Variants in RYK observed in about 807,000 individuals in gnomAD.
RYK encodes the protein inactive tyrosine-protein kinase RYK.
In RYK, 21 loss-of-function variants were observed where a neutral mutation model predicts 70.2. The observed-to-expected ratio is 0.30, with a 90% confidence interval of 0.21 to 0.43. The LOEUF (loss-of-function observed/expected upper bound fraction) is 0.43. Ranked by LOEUF, RYK falls within the 20% of genes least tolerant of loss-of-function variation. The pLI is 1.00. For missense variants in RYK, 604 were observed against 753.3 expected (o/e 0.80, Z 2.32); for synonymous variants, 267 against 278.0 (o/e 0.96, Z 0.39).
intron 2 of RYK, among the ~76,000 whole-genome samples, chr3:134,221,196 CTTTTTTTTT>C (rs71139519): frequency 9.9e-4 from 78 of 78,580 alleles, no homozygotes; most frequent in African/African-American, 4.0e-3. Context: ...AGTTCTTTTT[CTTTTTTTTT>C]TTTTTTTTTT....
Position 134,190,709 on chromosome 3 carries a change from A to G in RYK, c.1015+1140T>C, listed in dbSNP as rs2013618680. Among the ~76,000 whole-genome samples the G allele has an allele frequency of 2.0e-5, 3 of 152,348 alleles. No individual in the cohort carries two copies. The South Asian group carries it at 6.2e-4, about 32-fold the overall frequency. ...AAACTATTATGGGCCTGAAAAGACC[A>G]ATAAAGAAAAACTCTACCTGGTTCA... On this transcript the variant is annotated intron_variant, in intron 8 of 14. Transcript: ENST00000623711.
chr3:134,198,721 T>G (rs1315177408), intron 6 of RYK, among the ~76,000 whole-genome samples: 1 of 152,222 alleles, frequency 6.6e-6, no homozygotes, highest in Non-Finnish European at 1.5e-5. Context: ...TGGCACAAAC[T>G]ATTGTGAAAA....
chr3:134,222,562 T>C, intron 1 of RYK, 23 bp from the exon 2 acceptor site: 1 of 1,513,094 alleles, frequency 6.6e-7, no homozygotes. Context: ...AGGAAAAAAA[T>C]AATTAAACAC....
Position 134,250,515 on chromosome 3 carries a change from GC to G in RYK, c.139del (p.Ala47ProfsTer18). On this transcript the variant is annotated frameshift_variant, in exon 1 of 15. Coordinates refer to ENST00000623711, the MANE Select transcript of RYK (RefSeq NM_002958.4). LOFTEE classifies it high-confidence loss of function. ...CAGCTCCGGGGGCCGCGGGGCGGGG[GC>G]GGCGGCAGCGCCAGGCGCGGGCAGC... is the stretch of plus-strand genomic sequence containing the variant. ...PLLPAPGAAA[A>X]PAPRPPELQS... 1.6e-6 allele frequency: 2 copies of G among 1,232,998 alleles called. No individual in the cohort carries two copies. The highest frequency in any genetic ancestry group is 3.2e-5 in the South Asian group (1 of 31,210). 76.4% of individuals were successfully genotyped at this position (1,232,998 alleles called of 1,614,324 possible). A position where few individuals can be genotyped will look rare whatever the true frequency, so the allele number is the denominator to read the frequency against.
intron 6 of RYK, among the ~76,000 whole-genome samples, chr3:134,196,662 A>C (rs1254479216): frequency 6.6e-6 from 1 of 151,878 alleles, no homozygotes; most frequent in Non-Finnish European, 1.5e-5. Flanking sequence ...TTATATATGA[A>C]TGTTTATCAA....
chr3:134,247,697 C>T (rs953326850), intron 1 of RYK, among the ~76,000 whole-genome samples: 10 of 143,848 alleles, frequency 7.0e-5, no homozygotes, highest in African/African-American at 2.3e-4. Context: ...AGCGAAACTC[C>T]GTCTCAAAAA....
chr3:134,206,635 T>C (rs2014219922), intron 5 of RYK, among the ~76,000 whole-genome samples: 3 of 152,104 alleles, frequency 2.0e-5, no homozygotes, highest in Admixed American at 6.6e-5. Flanking sequence ...TATTAGGTGA[T>C]TGTGGGGGTT....
intron 2 of RYK, among the ~76,000 whole-genome samples, chr3:134,217,571 C>A (rs2014598624): frequency 6.6e-6 from 1 of 152,150 alleles, no homozygotes; most frequent in South Asian, 2.1e-4. Context: ...TATCAAGTGA[C>A]AGAGATCCTT....
chr3:134,202,596 T>C, intron 6 of RYK, 134 bp downstream of exon 6: 1 of 641,594 alleles, frequency 1.6e-6, no homozygotes, highest in Non-Finnish European at 2.6e-6. Flanking sequence ...TTAGGTCATC[T>C]TATTTTTCCT....
intron 2 of RYK, among the ~76,000 whole-genome samples, chr3:134,220,293 A>C (rs1206136053): frequency 6.6e-6 from 1 of 152,216 alleles, no homozygotes. Flanking sequence ...TGTTGTGATA[A>C]TTGATAAAAT....
intron 1 of RYK, among the ~76,000 whole-genome samples, chr3:134,231,739 G>T (rs771476295): frequency 2.6e-5 from 4 of 152,082 alleles, no homozygotes; most frequent in Non-Finnish European, 5.9e-5. Context: ...CACTGCCCTG[G>T]ATCGCCATGG....
At chr3:134,205,226 G>A (rs573961971) in intron 5 of RYK, among the ~76,000 whole-genome samples, 63 of 152,126 alleles carry the variant, frequency 4.1e-4, no homozygotes, top group Admixed American at 7.2e-4. Context: ...ATGCACAGAC[G>A]TTAAACTGAC....
At chr3:134,168,066 A>G in intron 13 of RYK, among the ~76,000 whole-genome samples, 1 of 152,194 alleles carries the variant, frequency 6.6e-6, no homozygotes, top group Non-Finnish European at 1.5e-5. Flanking sequence ...CAAAACCACA[A>G]TGAGATACCA....
chr3:134,210,635 T>C (rs926124733), intron 3 of RYK, among the ~76,000 whole-genome samples: 3 of 152,196 alleles, frequency 2.0e-5, no homozygotes, highest in Non-Finnish European at 2.9e-5. Flanking sequence ...TTTAAAAATA[T>C]CCATTTCTTA....
At chr3:134,216,488 A>C (rs1348734275) in intron 2 of RYK, among the ~76,000 whole-genome samples, 1 of 152,030 alleles carries the variant, frequency 6.6e-6, no homozygotes, top group African/African-American at 2.4e-5. Context: ...TTCGCTTTTC[A>C]GATATCTAAA....
chr3:134,243,559 T>G (rs2015377051), intron 1 of RYK, among the ~76,000 whole-genome samples: 2 of 152,212 alleles, frequency 1.3e-5, no homozygotes, highest in South Asian at 4.1e-4. Flanking sequence ...AGCTTTATCC[T>G]GTGGCGCTCC....
At chr3:134,232,454 T>C (rs2015090338) in intron 1 of RYK, among the ~76,000 whole-genome samples, 1 of 152,180 alleles carries the variant, frequency 6.6e-6, no homozygotes, top group Non-Finnish European at 1.5e-5. Context: ...AACAAATAAA[T>C]ATTTATAAGC....
chr3:134,166,269 C>T (rs556127959), intron 13 of RYK, among the ~76,000 whole-genome samples: 23 of 152,268 alleles, frequency 1.5e-4, no homozygotes, highest in South Asian at 2.1e-4. Flanking sequence ...CCTTATGCCA[C>T]ATGAGGACCC....
intron 1 of RYK, among the ~76,000 whole-genome samples, chr3:134,224,771 C>A (rs2014851627): frequency 6.6e-6 from 1 of 152,246 alleles, no homozygotes; most frequent in Admixed American, 6.5e-5. Context: ...ACAGAGGGCT[C>A]ACACTCTTGT....
Sources: allele counts gnomAD v4.1 joint callset (sites outside exome capture counted in the v4.1 genomes callset), GRCh38; gene constraint gnomAD v4.1.1; transcripts MANE v1.5; gene names NCBI Gene and HGNC (gene_info 2026-07-23, HGNC 2026-07-21).